PLPPR5: variants seen among roughly 807,000 people sequenced by gnomAD.
PLPPR5 encodes phospholipid phosphatase-related protein type 5.
PLPPR5 carries 16 observed loss-of-function variants against 33.9 expected under a neutral mutation model. That is an observed-to-expected ratio of 0.47 (90% CI 0.32 to 0.72). The LOEUF (loss-of-function observed/expected upper bound fraction) is 0.72, where lower values mean the gene tolerates loss of function less well. Ranked by LOEUF, PLPPR5 falls within the 30% of genes least tolerant of loss-of-function variation. The pLI is 0.03. For missense variants in PLPPR5, 301 were observed against 406.7 expected (o/e 0.74, Z 2.23); for synonymous variants, 163 against 150.3 (o/e 1.08, Z -0.62).
chr1:98,967,542 C>CT (rs1346622866), intron 1 of PLPPR5, among the ~76,000 whole-genome samples: 2 of 152,094 alleles, frequency 1.3e-5, no homozygotes, highest in African/African-American at 4.8e-5. Flanking sequence ...CTCAGTGCCC[C>CT]TTTTTGAAAC....
intron 3 of PLPPR5, among the ~76,000 whole-genome samples, chr1:98,946,755 C>A (rs1254171702): frequency 6.6e-6 from 1 of 152,142 alleles, no homozygotes; most frequent in Non-Finnish European, 1.5e-5. Flanking sequence ...CTACTCAGGG[C>A]AGACTAATCC....
In PLPPR5 at chr1:99,004,541, A is replaced by T; in HGVS notation, c.131T>A (p.Phe44Tyr). The T allele has an allele frequency of 6.2e-7, 1 of 1,613,118 alleles. No individual in the cohort carries two copies. Among genetic ancestry groups the T allele is most frequent in the Non-Finnish European group, 8.5e-7 (1 of 1,179,864 alleles). The change falls in exon 1 of 6, where the codon TTC (phenylalanine) becomes TAC (tyrosine). Residue 44 changes from phenylalanine (F) to tyrosine (Y), a missense_variant. Coordinates refer to ENST00000263177, the MANE Select transcript of PLPPR5 (RefSeq NM_001037317.2). ...TTTGCGGTAGGCGCTGTCGTGGCAG[A>T]AGAAGCCCTGCACGTTCACGGTGAA... is the stretch of plus-strand genomic sequence containing the variant. ...DTFTVNVQGFFCHDSAYRKPY... is the reference protein window; with the variant it reads ...DTFTVNVQGFYCHDSAYRKPY...
chr1:98,908,832 T>G (rs1164735964), intron 5 of PLPPR5, among the ~76,000 whole-genome samples: 1 of 152,074 alleles, frequency 6.6e-6, no homozygotes, highest in Non-Finnish European at 1.5e-5. Flanking sequence ...ACCAAACACT[T>G]TCAGAAAGGT....
chr1:98,911,918 C>G (rs769857384), intron 5 of PLPPR5, among the ~76,000 whole-genome samples: 9 of 152,044 alleles, frequency 5.9e-5, no homozygotes, highest in Admixed American at 1.3e-4. Flanking sequence ...TGCCACCGCA[C>G]CTGGCTAATT....
chr1:98,912,257 T>C (rs1236593419), intron 5 of PLPPR5, among the ~76,000 whole-genome samples: 1 of 152,238 alleles, frequency 6.6e-6, no homozygotes, highest in Non-Finnish European at 1.5e-5. Context: ...GAAGTTCAGT[T>C]TTCTTAACTG....
At chr1:98,921,228 T>C (rs76150011) in intron 4 of PLPPR5, among the ~76,000 whole-genome samples, 6,478 of 152,292 alleles carry the variant, frequency 0.043, 266 homozygotes, top group African/African-American at 0.11. Context: ...ATAAATGGAA[T>C]GCTTACTTCA....
At chr1:98,915,186 C>T (rs549890115) in intron 4 of PLPPR5, among the ~76,000 whole-genome samples, 1 of 152,022 alleles carries the variant, frequency 6.6e-6, no homozygotes, top group Non-Finnish European at 1.5e-5. Context: ...TTTTATTATT[C>T]GAAAATTTTC....
intron 1 of PLPPR5, among the ~76,000 whole-genome samples, chr1:98,985,811 A>G (rs1347933554): frequency 2.6e-5 from 4 of 152,090 alleles, no homozygotes; most frequent in Non-Finnish European, 4.4e-5. Context: ...CTCATTGTAT[A>G]CACATTATGC....
rs1557659305 is a variant in PLPPR5, at chr1:98,893,099, G to T, written c.939C>A (p.His313Gln). 1 of 1,610,976 alleles carries T rather than the reference G, an allele frequency of 6.2e-7. No homozygotes were observed. The highest frequency in any genetic ancestry group is 1.3e-5 in the African/African-American group (1 of 74,728). Reference sequence around the variant, plus strand: ...ATGTGACTTCTGCGAAGGCAGTGATGTGGTTCTGCAAAAAGAAAAAGGAAT... The same window carrying T: ...ATGTGACTTCTGCGAAGGCAGTGATTTGGTTCTGCAAAAAGAAAAAGGAAT... ...PLEKVTSVQN[H>Q]ITAFAEVT is the part of the protein sequence containing the mutation. Residue 313 changes from histidine to glutamine, a missense_variant, in exon 6 of 6, where the codon CAC becomes CAA. His to Gln is a conservative substitution (Grantham distance 24). Transcript: ENST00000263177.
chr1:98,932,455 T>G lies in PLPPR5; in HGVS notation c.622-10397A>C, dbSNP rs535709130. Among the ~76,000 whole-genome samples the G allele has an allele frequency of 1.6e-4, 24 of 152,272 alleles. No homozygotes were observed. In the South Asian group the frequency reaches 3.5e-3, roughly 22 times the overall value. On this transcript the variant is annotated intron_variant, in intron 3 of 5. Coordinates refer to ENST00000263177, the MANE Select transcript of PLPPR5 (RefSeq NM_001037317.2). ...GGGTGAATAAATGAACGTACTGCTTTGGAGAGCTGGGCTTGTGTATATCAC... is the reference window on the plus strand; with the variant it reads ...GGGTGAATAAATGAACGTACTGCTTGGGAGAGCTGGGCTTGTGTATATCAC...
intron 1 of PLPPR5, among the ~76,000 whole-genome samples, chr1:98,988,602 C>T (rs7517129): frequency 0.26 from 40,151 of 151,860 alleles, 5,454 homozygotes; most frequent in East Asian, 0.4. Flanking sequence ...TTTCAAGGAA[C>T]AAATCTCATG....
chr1:98,969,623 T>A (rs2149737), intron 1 of PLPPR5, among the ~76,000 whole-genome samples: 1 of 151,874 alleles, frequency 6.6e-6, no homozygotes, highest in African/African-American at 2.4e-5. Context: ...CTTCCTTAGA[T>A]TGTCTCTGAC....
At chr1:98,951,239 TTCATA>T (rs1452974362) in intron 3 of PLPPR5, among the ~76,000 whole-genome samples, 24 of 152,332 alleles carry the variant, frequency 1.6e-4, no homozygotes, top group African/African-American at 5.5e-4. Flanking sequence ...GGCTGAGTGC[TTCATA>T]TTCTAGTAGA....
chr1:98,966,944 C>T (rs1212567718), intron 1 of PLPPR5, among the ~76,000 whole-genome samples: 2 of 152,130 alleles, frequency 1.3e-5, no homozygotes, highest in South Asian at 2.1e-4. Flanking sequence ...GGGCCCCACC[C>T]CTACTGACTC....
intron 3 of PLPPR5, among the ~76,000 whole-genome samples, chr1:98,941,088 G>A (rs966594337): frequency 6.6e-6 from 1 of 151,866 alleles, no homozygotes; most frequent in East Asian, 1.9e-4. Context: ...GGGTTCACTT[G>A]AAAGGCGTGG....
intron 5 of PLPPR5, among the ~76,000 whole-genome samples, chr1:98,906,556 G>C (rs1242725477): frequency 6.6e-6 from 1 of 152,032 alleles, no homozygotes; most frequent in Admixed American, 6.6e-5. Flanking sequence ...ACATGTTTCT[G>C]ATTAATGAAA....
chr1:98,947,242 G>T (rs1650589484), intron 3 of PLPPR5, among the ~76,000 whole-genome samples: 1 of 152,182 alleles, frequency 6.6e-6, no homozygotes, highest in South Asian at 2.1e-4. Context: ...TTTTGGCTGG[G>T]AGTACACTAA....
chr1:98,953,392 T>TGTGAGA (rs1553169384), intron 2 of PLPPR5, 72 bp from the exon 3 acceptor site: 12 of 1,477,094 alleles, frequency 8.1e-6, no homozygotes, highest in African/African-American at 2.9e-5. Flanking sequence ...TGTGTGTGTG[T>TGTGAGA]GTGAATTTCA....
At chr1:99,005,422 A>G (rs1653052437), upstream of PLPPR5, among the ~76,000 whole-genome samples, 1 of 152,116 alleles carries the variant, frequency 6.6e-6, no homozygotes, top group South Asian at 2.1e-4. Context: ...GCTGTTAGAA[A>G]AATCTCAGCG....
Sources: gnomAD v4.1 joint callset for allele counts (sites outside exome capture counted in the v4.1 genomes callset) on GRCh38, gnomAD v4.1.1 for gene constraint, MANE v1.5 for transcripts, NCBI Gene and HGNC (gene_info 2026-07-23, HGNC 2026-07-21) for gene names.